The following LRRC8C variants were observed in gnomAD, a reference collection of about 807,000 sequenced individuals.
LRRC8C encodes leucine rich repeat containing 8 VRAC subunit C, also known as volume-regulated anion channel subunit LRRC8C.
In LRRC8C, 20 loss-of-function variants were observed where a neutral mutation model predicts 55.3. That is an observed-to-expected ratio of 0.36 (90% CI 0.25 to 0.53). The LOEUF is 0.53. LRRC8C is among the 20% of genes least tolerant of loss of function. The pLI is 0.92. For synonymous variants in LRRC8C, 376 were observed against 360.7 expected (o/e 1.04, Z -0.48); for missense variants, 659 against 951.4 (o/e 0.69, Z 4.04).
rs140527740 is a variant in LRRC8C at position 89,689,506 on chromosome 1, T to C, written c.138+2895T>C. 4.6e-4 allele frequency among the ~76,000 whole-genome samples: 70 copies of C among 151,894 alleles called. 1 individual carries two copies. In the East Asian group the frequency reaches 0.012, roughly 27 times the overall value. ...TAGGGGGTGAGGATGGAAGTGAGGG[T>C]GGTATTTGGAAGGCTAGTGCAATAA... On this transcript the variant is annotated intron_variant, in intron 2 of 2. Coordinates refer to ENST00000370454, the MANE Select transcript of LRRC8C (RefSeq NM_032270.5).
chr1:89,652,151 C>A (rs1656807868), intron 1 of LRRC8C, among the ~76,000 whole-genome samples: 1 of 152,072 alleles, frequency 6.6e-6, no homozygotes, highest in African/African-American at 2.4e-5. Flanking sequence ...CTAACTCATA[C>A]CTTGTTGGAA....
At chr1:89,693,232 CTTTGAT>C (rs148362387) in intron 2 of LRRC8C, among the ~76,000 whole-genome samples, 1,698 of 152,214 alleles carry the variant, frequency 0.011, 33 homozygotes, top group African/African-American at 0.038. Flanking sequence ...CTGATCCCCG[CTTTGAT>C]TTTTAGGGCA....
chr1:89,691,024 A>G (rs886188474), intron 2 of LRRC8C, among the ~76,000 whole-genome samples: 1 of 152,236 alleles, frequency 6.6e-6, no homozygotes, highest in Non-Finnish European at 1.5e-5. Context: ...TGAAGGCTGC[A>G]GGGCACAGAA....
chr1:89,633,105 T>G (rs1177493921), upstream of LRRC8C: 4 of 151,970 alleles, frequency 2.6e-5, no homozygotes, highest in African/African-American at 9.7e-5. Context: ...GGAGGAGGGC[T>G]TGCGGGGCTG....
upstream of LRRC8C, chr1:89,629,736 CT>C (rs1656057512): frequency 6.6e-6 from 1 of 152,214 alleles, no homozygotes; most frequent in Admixed American, 6.5e-5. Context: ...GGCTCCCAGA[CT>C]CTGTAGTGAA....
At chr1:89,622,014 G>A in the LRRC8C span, among the ~76,000 whole-genome samples, 7 of 152,078 alleles carry the variant, frequency 4.6e-5, no homozygotes, top group South Asian at 1.0e-3. Flanking sequence ...CAAAAACATC[G>A]TATATGTGAA....
intron 1 of LRRC8C, among the ~76,000 whole-genome samples, chr1:89,643,203 T>TCCC (rs1656517694): frequency 1.3e-5 from 2 of 152,204 alleles, no homozygotes; most frequent in Admixed American, 1.3e-4. Flanking sequence ...GCCATCCTTC[T>TCCC]ACCTCACCGT....
the LRRC8C span, among the ~76,000 whole-genome samples, chr1:89,618,486 T>C: frequency 4.6e-5 from 7 of 152,140 alleles, no homozygotes; most frequent in African/African-American, 1.7e-4. Context: ...AAGCAGCACT[T>C]TGGGAAGATA....
chr1:89,694,923 AC>A (rs911142283), intron 2 of LRRC8C, among the ~76,000 whole-genome samples: 1 of 133,512 alleles, frequency 7.5e-6, no homozygotes, highest in African/African-American at 3.1e-5. Context: ...AAGTATAAAG[AC>A]TTTTTTTTTT....
chr1:89,696,396 T>G (rs958647014), intron 2 of LRRC8C, among the ~76,000 whole-genome samples: 2 of 152,130 alleles, frequency 1.3e-5, no homozygotes, highest in East Asian at 1.9e-4. Flanking sequence ...CTCCTTAGCT[T>G]CTTTTTCTAC....
chr1:89,639,524 C>G (rs116418879), intron 1 of LRRC8C, among the ~76,000 whole-genome samples: 2,834 of 152,244 alleles, frequency 0.019, 103 homozygotes, highest in African/African-American at 0.064. Flanking sequence ...TCCCTTCCCC[C>G]CCAACAACTC....
intron 1 of LRRC8C, among the ~76,000 whole-genome samples, chr1:89,646,574 A>G (rs1445907890): frequency 6.6e-6 from 1 of 152,154 alleles, no homozygotes; most frequent in Admixed American, 6.5e-5. Flanking sequence ...TTCAGCATCT[A>G]GTAATGATAA....
intron 1 of LRRC8C, among the ~76,000 whole-genome samples, chr1:89,645,383 A>G (rs1262992983): frequency 6.6e-6 from 1 of 152,152 alleles, no homozygotes; most frequent in African/African-American, 2.4e-5. Context: ...CATGTGGGAA[A>G]ATGTCAAGAT....
At position 89,705,155 on chromosome 1, in the gene LRRC8C, C is replaced by T. The variant is rs186742044; in HGVS notation, c.139-7554C>T. Among the ~76,000 whole-genome samples the T allele has an allele frequency of 3.7e-3, 560 of 151,422 alleles. 1 individual carries two copies. Among genetic ancestry groups the T allele is most frequent in the Middle Eastern group, 6.8e-3 (2 of 292 alleles). On this transcript the variant is annotated intron_variant, in intron 2 of 2. Coordinates refer to ENST00000370454, the MANE Select transcript of LRRC8C (RefSeq NM_032270.5). ...GGATGAAATTGGAAATCATCATTCT[C>T]AGTAAACTATCACAAGAACAAAAAA...
intron 1 of LRRC8C, among the ~76,000 whole-genome samples, chr1:89,659,494 T>C (rs1176698197): frequency 6.6e-6 from 1 of 152,132 alleles, no homozygotes; most frequent in Non-Finnish European, 1.5e-5. Flanking sequence ...AGCCCAGAGA[T>C]ATTTGGGCGT....
At chr1:89,657,804 T>G (rs1445253700) in intron 1 of LRRC8C, among the ~76,000 whole-genome samples, 1 of 151,576 alleles carries the variant, frequency 6.6e-6, no homozygotes, top group Non-Finnish European at 1.5e-5. Context: ...TCTGAAAAAT[T>G]TTCAGGGGAC....
intron 1 of LRRC8C, among the ~76,000 whole-genome samples, chr1:89,659,688 T>A (rs532129306): frequency 6.6e-6 from 1 of 152,334 alleles, no homozygotes; most frequent in Admixed American, 6.5e-5. Flanking sequence ...TACTCTAAAA[T>A]AAAATGCTTA....
intron 1 of LRRC8C, among the ~76,000 whole-genome samples, chr1:89,671,437 A>G (rs759410118): frequency 5.3e-5 from 8 of 149,942 alleles, no homozygotes; most frequent in Non-Finnish European, 1.0e-4. Context: ...GTCAGTTCCT[A>G]AGGAGGAATT....
chr1:89,680,441 T>C (rs184556674), intron 1 of LRRC8C, among the ~76,000 whole-genome samples: 4 of 151,900 alleles, frequency 2.6e-5, no homozygotes, highest in African/African-American at 7.2e-5. Flanking sequence ...GGAATATGGA[T>C]CTACTAAAAT....
Sources: gnomAD v4.1 joint callset for allele counts (sites outside exome capture counted in the v4.1 genomes callset) on GRCh38, gnomAD v4.1.1 for gene constraint, MANE v1.5 for transcripts, NCBI Gene and HGNC (gene_info 2026-07-23, HGNC 2026-07-21) for gene names.